The following EHMT1 variants were observed in gnomAD, a reference collection of about 807,000 sequenced individuals.
The protein encoded by EHMT1 is histone-lysine N-methyltransferase EHMT1.
In EHMT1, 15 loss-of-function variants were observed where a neutral mutation model predicts 147.2. The observed-to-expected ratio is 0.10, with a 90% confidence interval of 0.07 to 0.16. The LOEUF (loss-of-function observed/expected upper bound fraction) is 0.16, where lower values mean the gene tolerates loss of function less well. Ranked by LOEUF, EHMT1 falls within the 10% of genes least tolerant of loss-of-function variation. EHMT1 has a pLI of 1.00. For missense variants in EHMT1, 1,587 were observed against 1,772.4 expected (o/e 0.90, Z 1.88); for synonymous variants, 795 against 709.6 (o/e 1.12, Z -1.91).
At chr9:137,802,969 G>A (rs1382368791) in intron 18 of EHMT1, 3 of 1,232,398 alleles carry the variant, frequency 2.4e-6, no homozygotes, top group Non-Finnish European at 3.0e-6. Context: ...AGGAAGAGAG[G>A]AGGGAAGCAA....
chr9:137,711,619 A>G (rs1442023509), intron 2 of EHMT1, among the ~76,000 whole-genome samples: 3 of 152,056 alleles, frequency 2.0e-5, no homozygotes, highest in Non-Finnish European at 4.4e-5. Context: ...GTCTGCAGAG[A>G]GGCAGGGTGA....
At chr9:137,715,372 T>C (rs971100209) in intron 2 of EHMT1, among the ~76,000 whole-genome samples, 13 of 152,264 alleles carry the variant, frequency 8.5e-5, no homozygotes, top group Non-Finnish European at 1.9e-4. Flanking sequence ...ACACACACAT[T>C]AGATGCCAGG....
intron 3 of EHMT1, among the ~76,000 whole-genome samples, chr9:137,727,725 C>G (rs534287316): frequency 5.3e-5 from 8 of 152,212 alleles, no homozygotes; most frequent in Non-Finnish European, 8.8e-5. Context: ...TCTGTGCATT[C>G]TGCAATGAAG....
Position 137,819,634 on chromosome 9 carries a change from G to A in EHMT1, c.3540+1496G>A, listed in dbSNP as rs866885928. On this transcript the variant is annotated intron_variant, in intron 25 of 26. Coordinates refer to ENST00000460843, the MANE Select transcript of EHMT1 (RefSeq NM_024757.5). Reference sequence around the variant, plus strand: ...GGCCGATTGAGGGGCGCCGTGTACCGAGACTGTAGAGAGGCTGAGGGGGGG... The same window carrying A: ...GGCCGATTGAGGGGCGCCGTGTACCAAGACTGTAGAGAGGCTGAGGGGGGG... Among the ~76,000 whole-genome samples, 32 of 113,454 alleles carry A rather than the reference G, an allele frequency of 2.8e-4. 1 individual carries two copies. The highest frequency in any genetic ancestry group is 1.3e-3 in the African/African-American group (27 of 20,412). 74.4% of individuals were successfully genotyped at this position (113,454 alleles called of 152,430 possible). A position where few individuals can be genotyped will look rare whatever the true frequency, so the allele number is the denominator to read the frequency against.
intron 8 of EHMT1, among the ~76,000 whole-genome samples, chr9:137,754,750 C>T (rs994900792): frequency 6.6e-6 from 1 of 152,156 alleles, no homozygotes; most frequent in South Asian, 2.1e-4. Context: ...CTCCTGAGCT[C>T]AAGCGATCTG....
intron 15 of EHMT1, chr9:137,785,501 G>C (rs879385617): frequency 1.3e-5 from 2 of 152,648 alleles, no homozygotes; most frequent in Non-Finnish European, 2.9e-5. Flanking sequence ...GGCTGTGGAG[G>C]CTTCTTGAAG....
chr9:137,665,936 T>C (rs753335962), intron 1 of EHMT1: 1 of 152,238 alleles, frequency 6.6e-6, no homozygotes, highest in Non-Finnish European at 1.5e-5. Flanking sequence ...CGTGGAGCTT[T>C]CAGAGGGAGC....
At chr9:137,736,555 C>T (rs1321964503) in intron 4 of EHMT1, among the ~76,000 whole-genome samples, 1 of 152,206 alleles carries the variant, frequency 6.6e-6, no homozygotes, top group Non-Finnish European at 1.5e-5. Flanking sequence ...TAGGATCGAC[C>T]ATATGTTAGG....
rs1293378325 is a variant in EHMT1, at chr9:137,817,541, G to A, written c.3461+16G>A. The A allele has an allele frequency of 6.2e-7, 1 of 1,614,064 alleles. No homozygotes were observed. ...TTGTCTGCGAGTGAGTGAGTCCCTG[G>A]GTCACCCCAAGCCTGGTGTCATTTC... On this transcript the variant is annotated intron_variant, in intron 24 of 26. Coordinates refer to ENST00000460843, the MANE Select transcript of EHMT1 (RefSeq NM_024757.5).
chr9:137,769,286 CAT>C (rs1950445630), intron 10 of EHMT1, among the ~76,000 whole-genome samples: 2 of 152,104 alleles, frequency 1.3e-5, no homozygotes, highest in Non-Finnish European at 2.9e-5. Context: ...TTTGATTAAA[CAT>C]AAGAATAGTT....
At chr9:137,712,450 G>A (rs558026574) in intron 2 of EHMT1, among the ~76,000 whole-genome samples, 56 of 152,118 alleles carry the variant, frequency 3.7e-4, no homozygotes, top group East Asian at 3.9e-4. Context: ...CCACGTCCTC[G>A]CCACCATTTC....
chr9:137,760,437 C>G (rs1396482373), intron 9 of EHMT1, among the ~76,000 whole-genome samples: 2 of 152,156 alleles, frequency 1.3e-5, no homozygotes, highest in Non-Finnish European at 2.9e-5. Flanking sequence ...GAGACCCCCC[C>G]AGCTTTAAAC....
chr9:137,668,503 A>G (rs1939960941), intron 1 of EHMT1, among the ~76,000 whole-genome samples: 1 of 152,204 alleles, frequency 6.6e-6, no homozygotes, highest in Admixed American at 6.5e-5. Context: ...CTTACTATAT[A>G]CCAGAACTAC....
chr9:137,635,325 G>A (rs760093639), intron 1 of EHMT1, among the ~76,000 whole-genome samples: 10 of 151,332 alleles, frequency 6.6e-5, no homozygotes, highest in Non-Finnish European at 1.2e-4. Flanking sequence ...TCCTGCCTAA[G>A]CCTCTCGACT....
intron 1 of EHMT1, among the ~76,000 whole-genome samples, chr9:137,655,957 A>C (rs1310218822): frequency 1.3e-5 from 2 of 152,182 alleles, no homozygotes; most frequent in African/African-American, 2.4e-5. Context: ...GTGATATAAA[A>C]ATGTTTTAAT....
chr9:137,629,183 C>T (rs551961864), intron 1 of EHMT1, among the ~76,000 whole-genome samples: 3 of 151,372 alleles, frequency 2.0e-5, no homozygotes, highest in African/African-American at 7.3e-5. Flanking sequence ...ACCTCCGCCT[C>T]CCAGGTTCAA....
chr9:137,697,080 A>C, intron 1 of EHMT1: 1 of 372,608 alleles, frequency 2.7e-6, no homozygotes, highest in Non-Finnish European at 5.5e-6. Context: ...CAGGAGTTAG[A>C]GACCAGCCCG....
chr9:137,800,437 G>A (rs1190085157), intron 17 of EHMT1: 3 of 226,846 alleles, frequency 1.3e-5, no homozygotes, highest in African/African-American at 6.8e-5. Context: ...ACCATTGGAG[G>A]CTGAAGGAGG....
chr9:137,757,948 A>C lies in EHMT1; in HGVS notation c.1438A>C (p.Met480Leu). The C allele has an allele frequency of 6.2e-7, 1 of 1,614,082 alleles. No individual in the cohort carries two copies. Among genetic ancestry groups the C allele is most frequent in the Non-Finnish European group, 8.5e-7 (1 of 1,180,014 alleles). Residue 480 changes from methionine to leucine, a missense_variant, in exon 9 of 27, where the codon ATG becomes CTG. Met to Leu is a conservative substitution (Grantham distance 15, BLOSUM62 2). Around this residue, in one of 7 missense-constraint regions of EHMT1, gnomAD observed 810 missense variants for 673.0 expected, o/e 1.20. Coordinates refer to ENST00000460843, the MANE Select transcript of EHMT1 (RefSeq NM_024757.5). ...QTAPGDSTGY[M>L]EVSLDSLDLR... is the part of the protein sequence containing the mutation. ...GGCACCAGGAGACAGCACAGGGTAC[A>C]TGGAAGTTTCTCTGGACTCCCTGGA...
Sources: allele counts gnomAD v4.1 joint callset (sites outside exome capture counted in the v4.1 genomes callset), GRCh38; gene constraint gnomAD v4.1.1; regional missense constraint gnomAD v4.1.1; transcripts MANE v1.5; gene names NCBI Gene and HGNC (gene_info 2026-07-23, HGNC 2026-07-21).